Variants in ATAD2 observed in about 807,000 individuals in gnomAD.
ATAD2 encodes ATPase family AAA domain containing 2, also known as ATPase family AAA domain-containing protein 2.
In ATAD2, 62 loss-of-function variants were observed where a neutral mutation model predicts 168.9. The observed-to-expected ratio is 0.37, with a 90% CI of 0.30 to 0.45. ATAD2 has a LOEUF of 0.45. Among genes scored for constraint, ATAD2 ranks in the 20% least tolerant of loss-of-function variants. The pLI is 1.00. For synonymous variants in ATAD2, 613 were observed against 571.6 expected (o/e 1.07, Z -1.03); for missense variants, 1,419 against 1,667.8 (o/e 0.85, Z 2.60).
chr8:123,323,115 G>A (rs1177990290), intron 26 of ATAD2, 49 bp from the exon 27 acceptor site: 2 of 1,542,330 alleles, frequency 1.3e-6, no homozygotes, highest in African/African-American at 1.4e-5. Flanking sequence ...AACTTCCTCA[G>A]ACAAGATACT....
rs777761821 is a variant in ATAD2 at position 123,347,229 on chromosome 8, C to T, written c.2075G>A (p.Arg692Lys). The change falls in exon 16 of 28, where the codon AGA (arginine) becomes AAA (lysine). Residue 692 changes from arginine to lysine, a missense_variant. By Grantham distance (26) the Arg-to-Lys change is conservative (BLOSUM62 2). Coordinates refer to ENST00000287394, the MANE Select transcript of ATAD2 (RefSeq NM_014109.4). ...TGCCTGCCCAGGTGATGTCACAGCTCTTTGGGAGGCTGGTATCATCTTTTG... is the reference window on the plus strand; with the variant it reads ...TGCCTGCCCAGGTGATGTCACAGCTTTTTGGGAGGCTGGTATCATCTTTTG... Reference protein sequence around the residue: ...AMQKMIPASQRAVTSPGQALS... With the variant: ...AMQKMIPASQKAVTSPGQALS... The T allele has an allele frequency of 4.3e-6, 7 of 1,614,134 alleles. No homozygotes were observed. In the South Asian group the frequency reaches 7.7e-5, roughly 18 times the overall value.
At chr8:123,370,810 A>G (rs1829128848) in intron 6 of ATAD2, 93 bp downstream of exon 6, 2 of 874,798 alleles carry the variant, frequency 2.3e-6, no homozygotes, top group Admixed American at 6.5e-5. Flanking sequence ...AACTACCATA[A>G]ATGTCACACC....
intron 1 of ATAD2, among the ~76,000 whole-genome samples, chr8:123,413,048 T>TA (rs1563874586): frequency 6.6e-6 from 1 of 152,096 alleles, no homozygotes; most frequent in African/African-American, 2.4e-5. Context: ...CTCAAGGACT[T>TA]AGAGAGCCAT....
chr8:123,352,258 C>T (rs1408720907), intron 13 of ATAD2: 1 of 152,958 alleles, frequency 6.5e-6, no homozygotes, highest in Non-Finnish European at 1.5e-5. Flanking sequence ...TGGGGTGGGG[C>T]ATGTAGCTCC....
chr8:123,398,640 T>C (rs1247397345), upstream of ATAD2, among the ~76,000 whole-genome samples: 3 of 152,028 alleles, frequency 2.0e-5, no homozygotes, highest in African/African-American at 7.2e-5. Flanking sequence ...GCCTCCCTAG[T>C]AGCTGGGACC....
chr8:123,354,864 A>AATATATATATAT (rs1251736641), intron 13 of ATAD2, among the ~76,000 whole-genome samples: 33 of 64,712 alleles, frequency 5.1e-4, no homozygotes, highest in African/African-American at 2.5e-3. Context: ...AAAAAAAAAA[A>AATATATATATAT]ATATATATAT....
intron 13 of ATAD2, among the ~76,000 whole-genome samples, chr8:123,355,302 T>C (rs1414788076): frequency 1.3e-5 from 2 of 152,168 alleles, no homozygotes; most frequent in African/African-American, 2.4e-5. Flanking sequence ...ATCTACAATA[T>C]AAAACAATAC....
intron 21 of ATAD2, among the ~76,000 whole-genome samples, chr8:123,336,812 C>A (rs115888668): frequency 6.6e-6 from 1 of 152,132 alleles, no homozygotes; most frequent in African/African-American, 2.4e-5. Context: ...TGCCACCCAT[C>A]CTTCAGAGCA....
chr8:123,339,056 G>A (rs190896797), intron 20 of ATAD2, among the ~76,000 whole-genome samples: 1 of 152,218 alleles, frequency 6.6e-6, no homozygotes, highest in East Asian at 1.9e-4. Flanking sequence ...ATGTGGGGGT[G>A]GAGGGCTGAG....
chr8:123,334,438 CAAG>C (rs1411716496), intron 22 of ATAD2, 116 bp from the exon 23 acceptor site: 2 of 969,578 alleles, frequency 2.1e-6, no homozygotes, highest in African/African-American at 1.7e-5. Flanking sequence ...TGACTTTTAC[CAAG>C]AATAGTCAAA....
rs1301728150 is a variant in ATAD2 at position 123,339,429 on chromosome 8, G to T, written c.2736C>A (p.Ile912=). The part of the protein sequence containing the change: ...ALPEEVQELF[I]RDYGEIFNVQ... ...CATTAAAAATCTCTCCATAATCACGGATAAACAATTCTTGCACCTTAAAAA... is the reference window on the plus strand; with the variant it reads ...CATTAAAAATCTCTCCATAATCACGTATAAACAATTCTTGCACCTTAAAAA... Residue 912 remains isoleucine, a synonymous_variant, in exon 20 of 28, where the codon ATC becomes ATA. Transcript: ENST00000287394. 2 of 1,590,930 alleles carry T rather than the reference G, an allele frequency of 1.3e-6. No homozygotes were observed. Among genetic ancestry groups the T allele is most frequent in the Non-Finnish European group, 1.7e-6 (2 of 1,170,026 alleles).
chr8:123,391,698 T>A (rs1033255808), intron 1 of ATAD2, among the ~76,000 whole-genome samples: 17 of 152,186 alleles, frequency 1.1e-4, no homozygotes, highest in Non-Finnish European at 2.9e-5. Flanking sequence ...ATGATTGATG[T>A]AAAACAGCAA....
chr8:123,407,502 T>C (rs1813083367), intron 1 of ATAD2, among the ~76,000 whole-genome samples: 1 of 152,060 alleles, frequency 6.6e-6, no homozygotes, highest in Non-Finnish European at 1.5e-5. Context: ...GGCAGGTGGA[T>C]CATCTGAGGT....
intron 8 of ATAD2, among the ~76,000 whole-genome samples, chr8:123,365,683 C>T (rs892351926): frequency 2.0e-5 from 3 of 152,168 alleles, no homozygotes; most frequent in Non-Finnish European, 1.5e-5. Flanking sequence ...ACACCCTATT[C>T]ATCAGATGGT....
intron 26 of ATAD2, 100 bp from the exon 27 acceptor site, chr8:123,323,166 G>C: frequency 7.8e-7 from 1 of 1,288,084 alleles, no homozygotes; most frequent in Non-Finnish European, 1.0e-6. Flanking sequence ...GCCTGACAGA[G>C]GGTAGACCAA....
chr8:123,322,500 C>G (rs535221367), intron 27 of ATAD2, among the ~76,000 whole-genome samples: 1 of 152,112 alleles, frequency 6.6e-6, no homozygotes, highest in African/African-American at 2.4e-5. Context: ...GAAACCTCAT[C>G]TCTACAAAAA....
intron 8 of ATAD2, among the ~76,000 whole-genome samples, chr8:123,364,826 A>G (rs1379759212): frequency 1.3e-5 from 2 of 152,206 alleles, no homozygotes; most frequent in Non-Finnish European, 2.9e-5. Context: ...GTAATACTGA[A>G]TGGGGAAAGG....
At chr8:123,400,245 C>T (rs542679958), upstream of ATAD2, among the ~76,000 whole-genome samples, 73 of 152,178 alleles carry the variant, frequency 4.8e-4, 2 homozygotes, top group South Asian at 0.011. The surrounding 1 kb of genome is among the most constrained non-coding windows in gnomAD (Gnocchi z 4.5). Context: ...AGGAATCAGC[C>T]GATCAAAAAA....
At chr8:123,397,693 A>G (rs1238539223), upstream of ATAD2, among the ~76,000 whole-genome samples, 1 of 152,254 alleles carries the variant, frequency 6.6e-6, no homozygotes, top group African/African-American at 2.4e-5. Context: ...AGCAGTGAAT[A>G]AAAAGAACAA....
Sources: allele counts gnomAD v4.1 joint callset (sites outside exome capture counted in the v4.1 genomes callset), GRCh38; gene constraint gnomAD v4.1.1; non-coding constraint Gnocchi (gnomAD v3.1); transcripts MANE v1.5; gene names NCBI Gene and HGNC (gene_info 2026-07-23, HGNC 2026-07-21).